The following TRMT11 variants were observed in gnomAD, a reference collection of about 807,000 sequenced individuals.
TRMT11 encodes the protein tRNA methyltransferase 11, also known as tRNA (guanine(10)-N(2))-methyltransferase TRMT11.
In TRMT11, 53 loss-of-function variants were observed where a neutral mutation model predicts 62.8. The ratio of observed to expected loss-of-function variants is 0.84; its 90% CI spans 0.68 to 1.06. The LOEUF (loss-of-function observed/expected upper bound fraction) is 1.06. TRMT11 is among the 50% of genes least tolerant of loss of function. The probability of loss-of-function intolerance (pLI) is 0.00; values close to 1 mark genes in which losing one functional copy is unlikely to be tolerated. For missense variants in TRMT11, 556 were observed against 553.4 expected (o/e 1.00, Z -0.05); for synonymous variants, 188 against 190.3 (o/e 0.99, Z 0.10).
At chr6:126,153,548 C>T (rs1225253627) in intron 21 of TRMT11, among the ~76,000 whole-genome samples, 1 of 152,172 alleles carries the variant, frequency 6.6e-6, no homozygotes, top group Non-Finnish European at 1.5e-5. Flanking sequence ...GAGTATATGA[C>T]TAAGAAGATA....
At chr6:126,180,376 C>T (rs1365223071) in intron 1 of TRMT11, among the ~76,000 whole-genome samples, 5 of 152,104 alleles carry the variant, frequency 3.3e-5, no homozygotes, top group African/African-American at 1.2e-4. Context: ...CCAAGTGAAC[C>T]TAGTATCACC....
At chr6:126,206,373 G>C (rs1300857060), downstream of TRMT11, among the ~76,000 whole-genome samples, 1 of 151,996 alleles carries the variant, frequency 6.6e-6, no homozygotes, top group East Asian at 1.9e-4. Flanking sequence ...TTTGAGGTGG[G>C]GCCACAGATT....
chr6:126,267,819 G>A, the TRMT11 span, among the ~76,000 whole-genome samples: 3 of 152,120 alleles, frequency 2.0e-5, no homozygotes, highest in Non-Finnish European at 4.4e-5. Flanking sequence ...TAAGAATAAT[G>A]ACCTCTCCTG....
chr6:126,169,441 C>A (rs1055706434), intron 21 of TRMT11, among the ~76,000 whole-genome samples: 2 of 152,184 alleles, frequency 1.3e-5, no homozygotes, highest in Non-Finnish European at 2.9e-5. Flanking sequence ...CTTAGTGTTA[C>A]CCATGTCGAA....
At chr6:126,130,961 A>G (rs1294431554) in intron 21 of TRMT11, among the ~76,000 whole-genome samples, 1 of 152,130 alleles carries the variant, frequency 6.6e-6, no homozygotes, top group Non-Finnish European at 1.5e-5. Context: ...GTTATTATCT[A>G]TTAGCCTTCA....
At chr6:126,068,107 T>C (rs190085667) in intron 17 of TRMT11, among the ~76,000 whole-genome samples, 1 of 152,106 alleles carries the variant, frequency 6.6e-6, no homozygotes, top group East Asian at 1.9e-4. Context: ...TTTCTTCTTA[T>C]GTGATGTGTC....
At chr6:126,004,748 C>T (rs1793091936) in intron 7 of TRMT11, among the ~76,000 whole-genome samples, 1 of 151,984 alleles carries the variant, frequency 6.6e-6, no homozygotes, top group Non-Finnish European at 1.5e-5. Flanking sequence ...TATGTAGTTT[C>T]CCAAATGTAT....
chr6:125,986,837 T>G, intron 1 of TRMT11: 1 of 545,944 alleles, frequency 1.8e-6, no homozygotes, highest in Non-Finnish European at 3.2e-6. Flanking sequence ...CTGCTTAAAC[T>G]TTTCATTCTT....
intron 12 of TRMT11, among the ~76,000 whole-genome samples, chr6:126,035,808 A>T (rs1233308985): frequency 6.6e-6 from 1 of 152,010 alleles, no homozygotes; most frequent in Non-Finnish European, 1.5e-5. Context: ...CTCTGACTCT[A>T]ATCTTTATAT....
chr6:126,151,858 C>CCTTCCTTGTCTT (rs1562334828), intron 21 of TRMT11, among the ~76,000 whole-genome samples: 7 of 119,532 alleles, frequency 5.9e-5, no homozygotes, highest in Admixed American at 3.6e-4. Context: ...TTCTTTCTTT[C>CCTTCCTTGTCTT]TTTCTTTCCT....
At chr6:126,024,599 T>C (rs1233689164) in intron 12 of TRMT11, among the ~76,000 whole-genome samples, 2 of 152,230 alleles carry the variant, frequency 1.3e-5, no homozygotes, top group African/African-American at 2.4e-5. Flanking sequence ...ATTTCATTTA[T>C]GCATAATTAC....
chr6:126,216,321 G>A, the TRMT11 span, among the ~76,000 whole-genome samples: 1 of 151,986 alleles, frequency 6.6e-6, no homozygotes, highest in African/African-American at 2.4e-5. Context: ...TTTGATGTAG[G>A]CACTTATCTG....
chr6:126,212,010 G>A, the TRMT11 span, among the ~76,000 whole-genome samples: 1 of 152,182 alleles, frequency 6.6e-6, no homozygotes, highest in Admixed American at 6.5e-5. Flanking sequence ...ACAAATAAGT[G>A]ATAGCATGTG....
chr6:126,013,730 A>G (rs930721292), intron 11 of TRMT11, among the ~76,000 whole-genome samples: 1 of 152,226 alleles, frequency 6.6e-6, no homozygotes, highest in African/African-American at 2.4e-5. Flanking sequence ...ACACAAAATA[A>G]TGTGTGACAG....
chr6:126,032,111 T>TA (rs559659544), intron 12 of TRMT11, among the ~76,000 whole-genome samples: 63 of 152,286 alleles, frequency 4.1e-4, no homozygotes, highest in African/African-American at 1.4e-3. Context: ...TATATGTTTT[T>TA]ATTCCCCATC....
chr6:126,261,508 A>G, the TRMT11 span, among the ~76,000 whole-genome samples: 1 of 151,410 alleles, frequency 6.6e-6, no homozygotes, highest in East Asian at 1.9e-4. Context: ...TTGGTTCTTC[A>G]TATTTCTTAT....
intron 17 of TRMT11, among the ~76,000 whole-genome samples, chr6:126,091,739 G>T (rs536378337): frequency 4.6e-5 from 7 of 152,134 alleles, no homozygotes; most frequent in Admixed American, 4.6e-4. Flanking sequence ...AGCCTAAGGA[G>T]CACTAGTTAC....
chr6:126,007,798 G>A (rs949264193), intron 7 of TRMT11, among the ~76,000 whole-genome samples: 3 of 151,898 alleles, frequency 2.0e-5, no homozygotes, highest in South Asian at 2.1e-4. Context: ...TTTGATAATA[G>A]TTACTCAGAA....
the TRMT11 span, among the ~76,000 whole-genome samples, chr6:126,218,824 T>C: frequency 1.3e-5 from 2 of 152,168 alleles, no homozygotes; most frequent in Non-Finnish European, 2.9e-5. Flanking sequence ...TCAAGTTTAT[T>C]TAGAACCTAA....
Sources: allele counts gnomAD v4.1 joint callset (sites outside exome capture counted in the v4.1 genomes callset), GRCh38; gene constraint gnomAD v4.1.1; transcripts MANE v1.5; gene names NCBI Gene and HGNC (gene_info 2026-07-23, HGNC 2026-07-21).